Variants in PCDHGA7 observed in about 807,000 individuals in gnomAD.
PCDHGA7 encodes protocadherin gamma subfamily A, 7, also known as protocadherin gamma-A7.
PCDHGA7 carries 44 observed loss-of-function variants against 58.3 expected under a neutral mutation model. The ratio of observed to expected loss-of-function variants is 0.75; its 90% CI spans 0.59 to 0.97. PCDHGA7 has a LOEUF of 0.97. PCDHGA7 is among the 50% of genes least tolerant of loss of function. The pLI is 0.00. For synonymous variants in PCDHGA7, 516 were observed against 504.2 expected (o/e 1.02, Z -0.31); for missense variants, 1,266 against 1,188.7 (o/e 1.06, Z -0.96).
intron 1 of PCDHGA7, chr5:141,421,255 C>A (rs759899934): frequency 1.9e-6 from 3 of 1,607,644 alleles, no homozygotes; most frequent in Non-Finnish European, 2.5e-6. Context: ...GCGCGGGGAC[C>A]GCAGTCGGCT....
In PCDHGA7 at chr5:141,384,934, G is replaced by A. The variant is rs750109041; in HGVS notation, c.2035G>A (p.Glu679Lys). 1 of 1,614,050 alleles carries A rather than the reference G, an allele frequency of 6.2e-7. No homozygotes were observed. Among genetic ancestry groups the A allele is most frequent in the Admixed American group, 1.7e-5 (1 of 60,030 alleles). ...PEVLADLGSL[E>K]PSDGPYNYDL... ...AGTCTTGGCCGACCTGGGCAGCCTT[G>A]AGCCCTCCGACGGTCCTTACAACTA... is the stretch of plus-strand genomic sequence containing the variant. Residue 679 changes from glutamate (E) to lysine (K), a missense_variant, in exon 1 of 4, where the codon GAG becomes AAG. Physicochemically the swap from Glu to Lys is moderately conservative, Grantham distance 56. Transcript: ENST00000518325.
intron 1 of PCDHGA7, chr5:141,478,619 A>G: frequency 6.4e-7 from 1 of 1,555,598 alleles, no homozygotes; most frequent in Non-Finnish European, 8.7e-7. Context: ...GAAGGAATGG[A>G]GCTGTTTTTT....
In PCDHGA7 at chr5:141,384,927, C is replaced by A; in HGVS notation, c.2028C>A (p.Gly676=). Residue 676 remains glycine, a synonymous_variant, in exon 1 of 4, where the codon GGC becomes GGA. Coordinates refer to ENST00000518325, the MANE Select transcript of PCDHGA7 (RefSeq NM_018920.4). ...TCCCCGAAGTCTTGGCCGACCTGGG[C>A]AGCCTTGAGCCCTCCGACGGTCCTT... The part of the protein sequence containing the change: ...DSIPEVLADL[G]SLEPSDGPYN... 6.2e-7 allele frequency: 1 copy of A among 1,614,014 alleles called. No homozygotes were observed. Among genetic ancestry groups the A allele is most frequent in the Non-Finnish European group, 8.5e-7 (1 of 1,180,022 alleles).
rs770759647 is a variant in PCDHGA7 at position 141,393,173 on chromosome 5, A to C, written c.2424+7850A>C. 38 of 1,613,150 alleles carry C rather than the reference A, an allele frequency of 2.4e-5. No homozygotes were observed. Among genetic ancestry groups the C allele is most frequent in the Non-Finnish European group, 3.2e-5 (38 of 1,179,886 alleles). ...ATAAAGGAAAACTCTTTGGGGTAGA[A>C]ATAGAAATAATTGATATTAACGATA... On this transcript the variant is annotated intron_variant, in intron 1 of 3. Coordinates refer to ENST00000518325, the MANE Select transcript of PCDHGA7 (RefSeq NM_018920.4).
In PCDHGA7 at chr5:141,503,243, C is replaced by T. The variant is rs146741382; in HGVS notation, c.2484-2150C>T. Among the ~76,000 whole-genome samples the T allele has an allele frequency of 3.1e-4, 47 of 152,198 alleles. No individual in the cohort carries two copies. The East Asian group carries it at 8.9e-3, about 29-fold the overall frequency. ...CACCGTAAAGATGGACAGTTTCTAT[C>T]ATACTCACAGCCACAACCCCAGCAC... On this transcript the variant is annotated intron_variant, in intron 2 of 3. Coordinates refer to ENST00000518325, the MANE Select transcript of PCDHGA7 (RefSeq NM_018920.4).
intron 1 of PCDHGA7, among the ~76,000 whole-genome samples, chr5:141,494,469 C>T (rs2099754623): frequency 6.6e-6 from 1 of 152,114 alleles, no homozygotes; most frequent in Non-Finnish European, 1.5e-5. Flanking sequence ...GCACCTCTTC[C>T]CCCAGTTCCA....
At chr5:141,399,048 G>C (rs779434482) in intron 1 of PCDHGA7, 7 of 1,613,830 alleles carry the variant, frequency 4.3e-6, no homozygotes, top group Non-Finnish European at 5.1e-6. Flanking sequence ...ATTTTGAAGA[G>C]ACCAAGGAAT....
At chr5:141,430,244 A>G (rs903055705) in intron 1 of PCDHGA7, among the ~76,000 whole-genome samples, 1 of 105,606 alleles carries the variant, frequency 9.5e-6, no homozygotes, top group Non-Finnish European at 1.8e-5. Context: ...AGAAACTCCT[A>G]GGGAGACATC....
chr5:141,476,521 C>T lies in PCDHGA7; in HGVS notation c.2425-18286C>T. On this transcript the variant is annotated intron_variant, in intron 1 of 3. Transcript: ENST00000518325. The surrounding 1 kb of genome is among the most constrained non-coding windows in gnomAD (Gnocchi z 7.6). ...ACATCAACGACAACAATCCTGCTTT[C>T]CCTACCCAGGAAATGAAATTGGAGA... 4 of 1,614,214 alleles carry T rather than the reference C, an allele frequency of 2.5e-6. No homozygotes were observed. The highest frequency in any genetic ancestry group is 3.4e-6 in the Non-Finnish European group (4 of 1,180,036).
Position 141,494,815 on chromosome 5 carries a change from G to A in PCDHGA7, c.2433G>A (p.Pro811=), listed in dbSNP as rs765344906. 1 of 1,613,976 alleles carries A rather than the reference G, an allele frequency of 6.2e-7. No homozygotes were observed. Among genetic ancestry groups the A allele is most frequent in the South Asian group, 1.1e-5 (1 of 91,072 alleles). ...KENLPSIQQA[P]PNTDWRFSQA... The stretch of plus-strand genomic sequence containing the variant: ...CTCTGTTTTCTCCACAGCAAGCCCC[G>A]CCCAACACGGACTGGCGTTTCTCTC... The change falls in exon 2 of 4, where the codon CCG becomes CCA. Residue 811 remains proline, a synonymous_variant. Transcript: ENST00000518325.
Position 141,486,277 on chromosome 5 carries a change from G to A in PCDHGA7, c.2425-8530G>A, listed in dbSNP as rs1156704202. 6.2e-7 allele frequency: 1 copy of A among 1,614,020 alleles called. No individual in the cohort carries two copies. The highest frequency in any genetic ancestry group is 1.1e-5 in the South Asian group (1 of 91,056). ...CCGAGAGTGCAGAACCTGGCACTGT[G>A]GTGGCACTTATCAGTGTGCAGGATC... On this transcript the variant is annotated intron_variant, in intron 1 of 3. Transcript: ENST00000518325. The surrounding 1 kb of genome is among the most constrained non-coding windows in gnomAD (Gnocchi z 5.0).
chr5:141,415,649 A>C, intron 1 of PCDHGA7: 1 of 1,597,710 alleles, frequency 6.3e-7, no homozygotes, highest in Non-Finnish European at 8.5e-7. Context: ...GTTAAAAAAA[A>C]AAAGATTGGT....
At chr5:141,444,255 T>G (rs764607115) in intron 1 of PCDHGA7, among the ~76,000 whole-genome samples, 8 of 130,834 alleles carry the variant, frequency 6.1e-5, no homozygotes, top group Non-Finnish European at 1.2e-4. Context: ...CACTGCAACC[T>G]CCGCCTCCCA....
chr5:141,419,269 C>G (rs1456612499), intron 1 of PCDHGA7: 1 of 1,614,034 alleles, frequency 6.2e-7, no homozygotes, highest in Admixed American at 1.7e-5. Flanking sequence ...CGGGTGCCTC[C>G]ATAGCGCAAG....
At chr5:141,458,172 T>C (rs1023447659) in intron 1 of PCDHGA7, among the ~76,000 whole-genome samples, 2 of 152,216 alleles carry the variant, frequency 1.3e-5, no homozygotes, top group African/African-American at 4.8e-5. Flanking sequence ...CACAGTAGTA[T>C]ACCTTACTTG....
chr5:141,482,890 G>C (rs577635020), intron 1 of PCDHGA7, among the ~76,000 whole-genome samples: 10 of 152,274 alleles, frequency 6.6e-5, no homozygotes, highest in African/African-American at 2.4e-4. Flanking sequence ...TGGCCAACAT[G>C]GTGAAACCTC....
chr5:141,437,648 A>G (rs1291089695), intron 1 of PCDHGA7, among the ~76,000 whole-genome samples: 2 of 152,204 alleles, frequency 1.3e-5, no homozygotes, highest in African/African-American at 4.8e-5. Context: ...AGAAAAGCAA[A>G]CACATAGTTT....
intron 1 of PCDHGA7, chr5:141,417,977 G>A (rs752463782): frequency 6.2e-7 from 1 of 1,613,872 alleles, no homozygotes; most frequent in Admixed American, 1.7e-5. Flanking sequence ...GATTCCGGAG[G>A]AGCTGGCCAA....
At chr5:141,408,373 T>C in intron 1 of PCDHGA7, 1 of 1,613,952 alleles carries the variant, frequency 6.2e-7, no homozygotes, top group Non-Finnish European at 8.5e-7. Flanking sequence ...TAGGGCTCAG[T>C]GTCCTGGATG....
Sources: allele counts gnomAD v4.1 joint callset (sites outside exome capture counted in the v4.1 genomes callset), GRCh38; gene constraint gnomAD v4.1.1; non-coding constraint Gnocchi (gnomAD v3.1); transcripts MANE v1.5; gene names NCBI Gene and HGNC (gene_info 2026-07-23, HGNC 2026-07-21).